The following THSD4 variants were observed in gnomAD, a reference collection of about 807,000 sequenced individuals.
THSD4 encodes thrombospondin type 1 domain containing 4, also known as thrombospondin type-1 domain-containing protein 4.
THSD4 carries 69 observed loss-of-function variants against 119.0 expected under a neutral mutation model. The observed-to-expected ratio is 0.58, with a 90% CI of 0.48 to 0.71. The LOEUF (loss-of-function observed/expected upper bound fraction) is 0.71. Among genes scored for constraint, THSD4 ranks in the 30% least tolerant of loss-of-function variants. The pLI, the probability that THSD4 is intolerant of heterozygous loss-of-function variation, is 0.00. For missense variants in THSD4, 1,393 were observed against 1,391.1 expected (o/e 1.00, Z -0.02); for synonymous variants, 524 against 540.4 (o/e 0.97, Z 0.42).
intron 6 of THSD4, among the ~76,000 whole-genome samples, chr15:71,335,195 C>T (rs1452907732): frequency 6.6e-6 from 1 of 152,162 alleles, no homozygotes; most frequent in Non-Finnish European, 1.5e-5. Context: ...GTGCTTAGAG[C>T]AGTGCCTGGA....
chr15:71,321,140 CA>C (rs1283378804), intron 6 of THSD4, among the ~76,000 whole-genome samples: 3 of 152,196 alleles, frequency 2.0e-5, no homozygotes, highest in Non-Finnish European at 2.9e-5. Context: ...CTGAGACTAG[CA>C]GAGATGAAAT....
At chr15:71,479,113 A>G (rs1247225032) in intron 7 of THSD4, among the ~76,000 whole-genome samples, 3 of 121,452 alleles carry the variant, frequency 2.5e-5, no homozygotes, top group Non-Finnish European at 5.0e-5. Flanking sequence ...TTGGCAAGCC[A>G]TGTCTGGGAT....
At chr15:71,623,744 G>A (rs1273929804) in intron 7 of THSD4, among the ~76,000 whole-genome samples, 10 of 152,040 alleles carry the variant, frequency 6.6e-5, no homozygotes, top group Admixed American at 6.6e-4. Flanking sequence ...CCAACGTGGT[G>A]ACACCCCATC....
chr15:71,652,524 T>G (rs2051112939), intron 7 of THSD4, among the ~76,000 whole-genome samples: 1 of 152,142 alleles, frequency 6.6e-6, no homozygotes, highest in African/African-American at 2.4e-5. Context: ...AAGTAAAGCA[T>G]TAGAATTTTA....
intron 7 of THSD4, among the ~76,000 whole-genome samples, chr15:71,454,822 A>G (rs1204347181): frequency 6.6e-6 from 1 of 152,228 alleles, no homozygotes; most frequent in East Asian, 1.9e-4. Flanking sequence ...AACAAAATTA[A>G]CAAGAATTCA....
chr15:71,565,244 G>A lies in THSD4; in HGVS notation c.1153-95286G>A, dbSNP rs1283655283. Among the ~76,000 whole-genome samples the A allele has an allele frequency of 2.0e-5, 3 of 152,234 alleles. No homozygotes were observed. The East Asian group carries it at 5.8e-4, about 29-fold the overall frequency. Reference sequence around the variant, plus strand: ...TGGGCACACCCTAGAATGGCAGGATGCTCAGCCTGCCAGGATCACAAAGTG... The same window carrying A: ...TGGGCACACCCTAGAATGGCAGGATACTCAGCCTGCCAGGATCACAAAGTG... On this transcript the variant is annotated intron_variant, in intron 7 of 17. Transcript: ENST00000261862.
rs538361808 is a variant in THSD4 at position 71,265,890 on chromosome 15, A to C, written c.1015+9175A>C. Among the ~76,000 whole-genome samples the C allele has an allele frequency of 3.2e-4, 49 of 152,326 alleles. No individual in the cohort carries two copies. In the Middle Eastern group the frequency reaches 0.01, roughly 32 times the overall value. ...ACCGCAGCTCGGGAAAGTCACTGTAACCAGACTGCCTCTCTAGATTCCTCC... is the reference window on the plus strand; with the variant it reads ...ACCGCAGCTCGGGAAAGTCACTGTACCCAGACTGCCTCTCTAGATTCCTCC... On this transcript the variant is annotated intron_variant, in intron 6 of 17. Transcript: ENST00000261862.
intron 7 of THSD4, among the ~76,000 whole-genome samples, chr15:71,489,412 C>A (rs1032766837): frequency 1.3e-5 from 2 of 152,090 alleles, no homozygotes; most frequent in East Asian, 3.9e-4. Context: ...TCTTACCCCC[C>A]AAATTGCATA....
intron 8 of THSD4, among the ~76,000 whole-genome samples, chr15:71,688,207 T>C (rs2051959251): frequency 6.6e-6 from 1 of 152,262 alleles, no homozygotes; most frequent in Non-Finnish European, 1.5e-5. Flanking sequence ...GGGAAGCCTT[T>C]ACAAGCCAGT....
chr15:71,143,095 A>G (rs2040620900), intron 2 of THSD4, among the ~76,000 whole-genome samples: 1 of 152,174 alleles, frequency 6.6e-6, no homozygotes, highest in Admixed American at 6.5e-5. Flanking sequence ...GCAGAGAACT[A>G]CAAACCTCTT....
At chr15:71,683,364 C>T (rs1233882215) in intron 8 of THSD4, among the ~76,000 whole-genome samples, 3 of 152,074 alleles carry the variant, frequency 2.0e-5, no homozygotes, top group South Asian at 2.1e-4. Context: ...TAAACATGTA[C>T]TGAGTCCTTA....
At chr15:71,202,064 C>T (rs947963413) in intron 3 of THSD4, among the ~76,000 whole-genome samples, 4 of 152,092 alleles carry the variant, frequency 2.6e-5, no homozygotes, top group African/African-American at 9.7e-5. Context: ...TGGTCTGGAC[C>T]GTAGAGTTCT....
At chr15:71,582,354 T>G (rs1042479739) in intron 7 of THSD4, among the ~76,000 whole-genome samples, 8 of 152,200 alleles carry the variant, frequency 5.3e-5, no homozygotes, top group Admixed American at 2.6e-4. Context: ...TTTATTGAAT[T>G]TGTTTATTAG....
In THSD4 at chr15:71,243,060, C is replaced by T. The variant is rs201896093; in HGVS notation, c.876C>T (p.Ile292=). Reference sequence around the variant, plus strand: ...CCCGATCTACAGCAATCTCATGCATCGGGGCCTATCGGCAGTACAAGCTGT... The same window carrying T: ...CCCGATCTACAGCAATCTCATGCATTGGGGCCTATCGGCAGTACAAGCTGT... The part of the protein sequence containing the change: ...QPARSTAISC[I]GAYRQYKLCN... The change falls in exon 5 of 18, where the codon ATC becomes ATT. Residue 292 remains isoleucine, a synonymous_variant. Transcript: ENST00000261862. The T allele has an allele frequency of 2.5e-5, 41 of 1,614,016 alleles. No homozygotes were observed. The East Asian group carries it at 2.9e-4, about 11-fold the overall frequency.
intron 7 of THSD4, among the ~76,000 whole-genome samples, chr15:71,578,266 G>A (rs945668434): frequency 1.3e-5 from 2 of 151,230 alleles, no homozygotes; most frequent in Non-Finnish European, 2.9e-5. Flanking sequence ...GTAGACTCCA[G>A]GTGGTTATCT....
At position 71,116,090 on chromosome 15, in the gene THSD4, G is replaced by A. The variant is rs1307012400; in HGVS notation, c.-80+392G>A. On this transcript the variant is annotated intron_variant, in intron 1 of 17. Coordinates refer to ENST00000261862, the MANE Select transcript of THSD4 (RefSeq NM_024817.3). ...GGACCGGCGAGTGCACACCCAGCCC[G>A]TGCGCCCCCCACCTCAGCCTCGCCT... 5.3e-5 allele frequency among the ~76,000 whole-genome samples: 8 copies of A among 152,130 alleles called. No homozygotes were observed. The East Asian group carries it at 5.8e-4, about 11-fold the overall frequency.
rs180938270 is a variant in THSD4, at chr15:71,109,596, C to T, written c.-80+12590C>T. ...GCAGTTTGGAGGTTGGTGACTTCTA[C>T]GATGGGATGGCCAGAGAGCAATGGC... On this transcript the variant is annotated intron_variant, in intron 1 of 17. Coordinates refer to the THSD4 transcript ENST00000355327. Among the ~76,000 whole-genome samples the T allele has an allele frequency of 2.2e-3, 341 of 152,236 alleles. 2 individuals carry two copies. The highest frequency in any genetic ancestry group is 4.0e-3 in the Non-Finnish European group (272 of 68,016).
intron 4 of THSD4, among the ~76,000 whole-genome samples, chr15:71,238,206 T>G (rs1039584751): frequency 6.6e-6 from 1 of 152,192 alleles, no homozygotes; most frequent in African/African-American, 2.4e-5. Flanking sequence ...AAACAAATCA[T>G]TAAAAATTGC....
chr15:71,378,280 T>A (rs541657302), intron 6 of THSD4, among the ~76,000 whole-genome samples: 1 of 152,288 alleles, frequency 6.6e-6, no homozygotes, highest in South Asian at 2.1e-4. Flanking sequence ...ATAAAGATGC[T>A]GAGAAAGGGA....
Sources: gnomAD v4.1 joint callset for allele counts (sites outside exome capture counted in the v4.1 genomes callset) on GRCh38, gnomAD v4.1.1 for gene constraint, MANE v1.5 for transcripts, NCBI Gene and HGNC (gene_info 2026-07-23, HGNC 2026-07-21) for gene names.